Variants in ST6GAL2 observed in about 807,000 individuals in gnomAD.
ST6GAL2 encodes the protein beta-galactoside alpha-2,6-sialyltransferase 2.
Under a neutral mutation model 37.5 loss-of-function variants are expected in ST6GAL2, and 24 were observed. The observed-to-expected ratio is 0.64, with a 90% CI of 0.46 to 0.90. The LOEUF is 0.90. ST6GAL2 is among the 40% of genes least tolerant of loss of function. ST6GAL2 has a pLI of 0.00. For missense variants in ST6GAL2, 715 were observed against 712.7 expected (o/e 1.00, Z -0.04); for synonymous variants, 306 against 295.1 (o/e 1.04, Z -0.38).
intron 1 of ST6GAL2, among the ~76,000 whole-genome samples, chr2:106,874,470 G>A (rs934317845): frequency 2.6e-5 from 4 of 152,164 alleles, no homozygotes; most frequent in Admixed American, 6.5e-5. Context: ...GGCAGTGTTC[G>A]GTATGCAATG....
chr2:106,859,136 A>G (rs1158570601), intron 1 of ST6GAL2, among the ~76,000 whole-genome samples: 1 of 152,190 alleles, frequency 6.6e-6, no homozygotes, highest in African/African-American at 2.4e-5. Flanking sequence ...CCCAGGAGTT[A>G]GAGGGAGAAT....
At chr2:106,819,733 C>T (rs1003634038) in intron 5 of ST6GAL2, among the ~76,000 whole-genome samples, 6 of 151,790 alleles carry the variant, frequency 4.0e-5, no homozygotes, top group Admixed American at 6.6e-5. Context: ...GTAAACTATT[C>T]ATATCTTGAG....
At chr2:106,830,722 AT>A (rs1181422282) in intron 4 of ST6GAL2, among the ~76,000 whole-genome samples, 1 of 152,170 alleles carries the variant, frequency 6.6e-6, no homozygotes, top group Non-Finnish European at 1.5e-5. Context: ...GGATCAGTGT[AT>A]TTCAAATATG....
At chr2:106,817,821 C>G (rs1373009567) in intron 5 of ST6GAL2, among the ~76,000 whole-genome samples, 2 of 152,202 alleles carry the variant, frequency 1.3e-5, no homozygotes, top group African/African-American at 4.8e-5. Flanking sequence ...TTGACCTGCC[C>G]TGGGCCAGAG....
Position 106,874,971 on chromosome 2 carries a change from G to A in ST6GAL2, c.-58+11122C>T, listed in dbSNP as rs368535413. On this transcript the variant is annotated intron_variant, in intron 1 of 5. Transcript: ENST00000409382. The stretch of plus-strand genomic sequence containing the variant: ...CCAAATATGCAGCTCCATACCAAAT[G>A]GTACCATTTACATCTGGCTCTGTAT... 3.9e-5 allele frequency among the ~76,000 whole-genome samples: 6 copies of A among 152,156 alleles called. No homozygotes were observed. In the East Asian group the frequency reaches 9.7e-4, roughly 25 times the overall value.
chr2:106,827,057 G>A (rs990387814), intron 5 of ST6GAL2, among the ~76,000 whole-genome samples: 5 of 152,252 alleles, frequency 3.3e-5, no homozygotes, highest in Non-Finnish European at 2.9e-5. Context: ...ACAGCTCTTC[G>A]ATGAGTTCTT....
chr2:106,879,451 C>T (rs1200259477), intron 1 of ST6GAL2, among the ~76,000 whole-genome samples: 1 of 152,042 alleles, frequency 6.6e-6, no homozygotes. Context: ...TAAAGGCACC[C>T]CATGAATGTT....
At chr2:106,828,777 T>C (rs1319120468) in intron 5 of ST6GAL2, among the ~76,000 whole-genome samples, 1 of 152,158 alleles carries the variant, frequency 6.6e-6, no homozygotes, top group Non-Finnish European at 1.5e-5. Flanking sequence ...ATCCTTTGGT[T>C]CTTGTATAGG....
rs1281386845 is a variant in ST6GAL2 at position 106,801,706 on chromosome 2, T to C, written c.*4972A>G. The C allele has an allele frequency of 6.6e-6, 1 of 152,240 alleles. No homozygotes were observed. The highest frequency in any genetic ancestry group is 1.5e-5 in the Non-Finnish European group (1 of 68,038). 9.4% of individuals were successfully genotyped at this position (152,240 alleles called of 1,614,324 possible). ...TAGAAAATATCCAAGTGTTAAAATG[T>C]GTACAAACACTTTTAAAATGCGACT... On this transcript the variant is annotated 3_prime_UTR_variant, in exon 6 of 6. Coordinates refer to ENST00000409382, the MANE Select transcript of ST6GAL2 (RefSeq NM_001142351.2).
At chr2:106,818,548 G>T (rs1432729916) in intron 5 of ST6GAL2, among the ~76,000 whole-genome samples, 1 of 152,116 alleles carries the variant, frequency 6.6e-6, no homozygotes, top group Non-Finnish European at 1.5e-5. Flanking sequence ...CAGCTGAAGT[G>T]ACCAAAAACT....
chr2:106,852,726 G>T (rs1677421322), intron 1 of ST6GAL2, among the ~76,000 whole-genome samples: 1 of 152,222 alleles, frequency 6.6e-6, no homozygotes, highest in Non-Finnish European at 1.5e-5. Context: ...TGGCAGAGGT[G>T]TCTGGGTGGC....
At chr2:106,875,033 T>A (rs1361819271) in intron 1 of ST6GAL2, among the ~76,000 whole-genome samples, 1 of 152,236 alleles carries the variant, frequency 6.6e-6, no homozygotes, top group Non-Finnish European at 1.5e-5. Context: ...AAATTCTGAA[T>A]TTATACAATA....
intron 1 of ST6GAL2, among the ~76,000 whole-genome samples, chr2:106,851,674 T>C (rs1391051593): frequency 2.0e-5 from 3 of 151,026 alleles, no homozygotes; most frequent in African/African-American, 4.9e-5. Context: ...TTCTTTCTTT[T>C]TTTTTTTTTT....
chr2:106,839,580 T>C (rs1676791857), intron 2 of ST6GAL2, among the ~76,000 whole-genome samples: 1 of 152,152 alleles, frequency 6.6e-6, no homozygotes, highest in Non-Finnish European at 1.5e-5. Flanking sequence ...CTTTCTTGCT[T>C]TTTTAAAAGG....
At chr2:106,812,217 T>C (rs931016654) in intron 5 of ST6GAL2, among the ~76,000 whole-genome samples, 1 of 152,210 alleles carries the variant, frequency 6.6e-6, no homozygotes, top group Non-Finnish European at 1.5e-5. Flanking sequence ...GCTCCGTCTC[T>C]GAATCAGGAA....
intron 5 of ST6GAL2, among the ~76,000 whole-genome samples, chr2:106,808,831 T>A (rs1675511027): frequency 6.6e-6 from 1 of 152,016 alleles, no homozygotes; most frequent in Non-Finnish European, 1.5e-5. Context: ...CATGGTGAAA[T>A]CCCATCTCTA....
intron 4 of ST6GAL2, 92 bp from the exon 5 acceptor site, chr2:106,830,332 A>G: frequency 9.9e-7 from 1 of 1,013,948 alleles, no homozygotes; most frequent in Non-Finnish European, 1.5e-6. Flanking sequence ...CAGAGGGGCC[A>G]GGCTGGGGCT....
At chr2:106,878,244 C>G (rs1172028058) in intron 1 of ST6GAL2, among the ~76,000 whole-genome samples, 3 of 152,180 alleles carry the variant, frequency 2.0e-5, no homozygotes, top group African/African-American at 7.2e-5. Context: ...GGGAGGATCG[C>G]TACAGACCAG....
At chr2:106,822,430 A>C (rs1356832655) in intron 5 of ST6GAL2, among the ~76,000 whole-genome samples, 2 of 152,122 alleles carry the variant, frequency 1.3e-5, no homozygotes, top group Non-Finnish European at 2.9e-5. Flanking sequence ...AATACATGGG[A>C]ATTAACCAAA....
Sources: gnomAD v4.1 joint callset for allele counts (sites outside exome capture counted in the v4.1 genomes callset) on GRCh38, gnomAD v4.1.1 for gene constraint, MANE v1.5 for transcripts, NCBI Gene and HGNC (gene_info 2026-07-23, HGNC 2026-07-21) for gene names.